CNTN4: variants seen among roughly 807,000 people sequenced by gnomAD.
CNTN4 encodes the protein contactin-4.
In CNTN4, 77 loss-of-function variants were observed where a neutral mutation model predicts 122.5. The ratio of observed to expected loss-of-function variants is 0.63; its 90% CI spans 0.52 to 0.76. The LOEUF (loss-of-function observed/expected upper bound fraction) is 0.76, where lower values mean the gene tolerates loss of function less well. Ranked by LOEUF, CNTN4 falls within the 30% of genes least tolerant of loss-of-function variation. The pLI is 0.00. For synonymous variants in CNTN4, 512 were observed against 447.0 expected, an observed-to-expected ratio of 1.15 and a Z score of -1.83; for missense variants, 1,256 against 1,259.1, an observed-to-expected ratio of 1.00 and a Z score of 0.04.
At chr3:2,396,656 G>GGTTTT (rs1553640284) in intron 3 of CNTN4, among the ~76,000 whole-genome samples, 2 of 145,106 alleles carry the variant, frequency 1.4e-5, no homozygotes, top group Non-Finnish European at 3.0e-5. Context: ...TTATGTCTGG[G>GGTTTT]TTTTTTTTTT....
intron 3 of CNTN4, among the ~76,000 whole-genome samples, chr3:2,412,593 G>A (rs892921940): frequency 3.3e-5 from 5 of 152,116 alleles, no homozygotes; most frequent in Non-Finnish European, 7.4e-5. Flanking sequence ...ACCCACGTGG[G>A]GTTGTGGTTT....
chr3:3,053,680 G>C, intron 23 of CNTN4, 127 bp from the exon 24 acceptor site: 1 of 881,130 alleles, frequency 1.1e-6, no homozygotes, highest in Non-Finnish European at 1.9e-6. Flanking sequence ...CCAAATGCAA[G>C]TGGGCAGCCA....
At chr3:2,364,259 T>C (rs1439836684) in intron 3 of CNTN4, among the ~76,000 whole-genome samples, 1 of 152,216 alleles carries the variant, frequency 6.6e-6, no homozygotes, top group Non-Finnish European at 1.5e-5. Flanking sequence ...GAAATAATAT[T>C]TATCTCAGAG....
chr3:2,649,405 C>T (rs943560813), intron 4 of CNTN4, among the ~76,000 whole-genome samples: 1 of 152,070 alleles, frequency 6.6e-6, no homozygotes, highest in Non-Finnish European at 1.5e-5. Flanking sequence ...GTTCATTGAC[C>T]ATCCTGAAAG....
At chr3:2,617,419 C>CTTTTTTTTTTTTTTTTTTT (rs71058631) in intron 4 of CNTN4, among the ~76,000 whole-genome samples, 3 of 108,528 alleles carry the variant, frequency 2.8e-5, no homozygotes, top group African/African-American at 1.1e-4. Context: ...AGAGAAATGC[C>CTTTTTTTTTTTTTTTTTTT]TTTTTTTTTT....
At chr3:2,103,397 C>T (rs2032157435) in intron 2 of CNTN4, among the ~76,000 whole-genome samples, 1 of 152,150 alleles carries the variant, frequency 6.6e-6, no homozygotes, top group Non-Finnish European at 1.5e-5. Flanking sequence ...TTTAAAGTAA[C>T]TCCCCCCACT....
intron 7 of CNTN4, among the ~76,000 whole-genome samples, chr3:2,852,558 A>G (rs545624902): frequency 3.3e-5 from 5 of 152,320 alleles, no homozygotes; most frequent in African/African-American, 9.6e-5. Flanking sequence ...TGTGCTGATT[A>G]TAAGTAGCAA....
At chr3:2,459,947 C>T (rs2049141132) in intron 3 of CNTN4, among the ~76,000 whole-genome samples, 2 of 152,106 alleles carry the variant, frequency 1.3e-5, no homozygotes, top group Non-Finnish European at 2.9e-5. Context: ...GTCTTTTCTG[C>T]TAAACCCAGG....
chr3:2,489,305 C>A (rs1002952756), intron 3 of CNTN4, among the ~76,000 whole-genome samples: 2 of 152,120 alleles, frequency 1.3e-5, no homozygotes, highest in Admixed American at 6.5e-5. Context: ...GCTTCCCAGG[C>A]CTCACCAAGA....
At chr3:2,193,516 C>A (rs2037687696) in intron 2 of CNTN4, among the ~76,000 whole-genome samples, 1 of 152,154 alleles carries the variant, frequency 6.6e-6, no homozygotes, top group African/African-American at 2.4e-5. Flanking sequence ...TAACTAAGTG[C>A]AGTATGTGGC....
rs566548572 is a variant in CNTN4, at chr3:2,768,439, T to C, written c.358+22742T>C. On this transcript the variant is annotated intron_variant, in intron 6 of 24. Coordinates refer to ENST00000418658, the MANE Select transcript of CNTN4 (RefSeq NM_175607.3). ...ACAAATTGTCTTTCAGCTGAAATTG[T>C]ATTGGTAGAAACAAGGAAATTGGTG... Among the ~76,000 whole-genome samples, 17 of 152,354 alleles carry C rather than the reference T, an allele frequency of 1.1e-4. No homozygotes were observed. In the South Asian group the frequency reaches 3.3e-3, roughly 30 times the overall value.
chr3:2,798,368 T>TCTACCTAC (rs1553642397), intron 6 of CNTN4, among the ~76,000 whole-genome samples: 2 of 148,510 alleles, frequency 1.3e-5, no homozygotes, highest in East Asian at 3.9e-4. Flanking sequence ...CACACATAAA[T>TCTACCTAC]CTATCTATCT....
At chr3:2,109,424 C>G (rs1452104255) in intron 2 of CNTN4, among the ~76,000 whole-genome samples, 1 of 151,918 alleles carries the variant, frequency 6.6e-6, no homozygotes, top group Admixed American at 6.6e-5. Flanking sequence ...TGTTGTTAAC[C>G]ACAGTGACAT....
At chr3:2,695,926 G>A (rs762582811) in intron 4 of CNTN4, among the ~76,000 whole-genome samples, 2 of 152,192 alleles carry the variant, frequency 1.3e-5, no homozygotes, top group Non-Finnish European at 2.9e-5. Context: ...AGGGTGGTAG[G>A]GGTGGGGGTA....
At chr3:2,187,746 G>A (rs556486463) in intron 2 of CNTN4, among the ~76,000 whole-genome samples, 2 of 152,058 alleles carry the variant, frequency 1.3e-5, no homozygotes, top group African/African-American at 2.4e-5. Context: ...ACCTTATGCC[G>A]CTAGCCTTGC....
chr3:2,404,199 T>G (rs1252025788), intron 3 of CNTN4, among the ~76,000 whole-genome samples: 1 of 152,180 alleles, frequency 6.6e-6, no homozygotes, highest in Non-Finnish European at 1.5e-5. Flanking sequence ...CACCCATTTA[T>G]TAGCTTACAA....
intron 4 of CNTN4, among the ~76,000 whole-genome samples, chr3:2,620,521 A>G (rs2081952980): frequency 6.6e-6 from 1 of 151,752 alleles, no homozygotes; most frequent in Non-Finnish European, 1.5e-5. Context: ...ATATATATTT[A>G]TTAAGGGTCC....
At chr3:2,569,590 T>C (rs923875175) in intron 3 of CNTN4, among the ~76,000 whole-genome samples, 1 of 152,182 alleles carries the variant, frequency 6.6e-6, no homozygotes, top group African/African-American at 2.4e-5. Flanking sequence ...CAGTAACATC[T>C]GGCAATGTAG....
At chr3:2,793,678 G>A (rs79075861) in intron 6 of CNTN4, among the ~76,000 whole-genome samples, 2 of 152,046 alleles carry the variant, frequency 1.3e-5, no homozygotes, top group Admixed American at 6.6e-5. Context: ...TCCAGAACTT[G>A]ACAATCACCT....
Sources: allele counts gnomAD v4.1 joint callset (sites outside exome capture counted in the v4.1 genomes callset), GRCh38; gene constraint gnomAD v4.1.1; transcripts MANE v1.5; gene names NCBI Gene and HGNC (gene_info 2026-07-23, HGNC 2026-07-21).